The following SLC35F1 variants were observed in gnomAD, a reference collection of about 807,000 sequenced individuals.
SLC35F1 encodes chromosome 6 open reading frame 169.
A neutral mutation model predicts 48.7 loss-of-function variants in SLC35F1; 14 were observed. The ratio of observed to expected loss-of-function variants is 0.29; its 90% CI spans 0.19 to 0.45. The LOEUF is 0.45. Ranked by LOEUF, SLC35F1 falls within the 20% of genes least tolerant of loss-of-function variation. The pLI, the probability that SLC35F1 is intolerant of heterozygous loss-of-function variation, is 1.00. For missense variants in SLC35F1, 404 were observed against 500.0 expected, an observed-to-expected ratio of 0.81 and a Z score of 1.83; for synonymous variants, 190 against 202.2, an observed-to-expected ratio of 0.94 and a Z score of 0.51.
chr6:118,041,526 ATGGGGG>A, intron 1 of SLC35F1, among the ~76,000 whole-genome samples: 2 of 152,152 alleles, frequency 1.3e-5, no homozygotes, highest in South Asian at 4.2e-4. Flanking sequence ...TAGTGGTGGG[ATGGGGG>A]TGGGGAGACA....
chr6:118,287,563 T>G (rs537816838), intron 7 of SLC35F1, among the ~76,000 whole-genome samples: 1 of 152,286 alleles, frequency 6.6e-6, no homozygotes, highest in African/African-American at 2.4e-5. Flanking sequence ...TGCAGATTTT[T>G]GGGCCACACC....
intron 1 of SLC35F1, among the ~76,000 whole-genome samples, chr6:118,108,060 A>C (rs749320831): frequency 2.0e-5 from 3 of 152,110 alleles, no homozygotes; most frequent in African/African-American, 4.8e-5. Flanking sequence ...GAACAGTGTC[A>C]AATTGGGGCA....
rs761122765 is a variant in SLC35F1 at position 118,119,504 on chromosome 6, C to G, written c.174-34941C>G. 1.9e-4 allele frequency among the ~76,000 whole-genome samples: 21 copies of G among 112,906 alleles called. 1 individual carries two copies. The highest frequency in any genetic ancestry group is 1.5e-3 in the South Asian group (4 of 2,728). 74.1% of individuals were successfully genotyped at this position (112,906 alleles called of 152,430 possible). On this transcript the variant is annotated intron_variant, in intron 1 of 7. Coordinates refer to ENST00000360388, the MANE Select transcript of SLC35F1 (RefSeq NM_001029858.4). ...GCAGTAATAACCGGCGCCCCCCCTCCACCCCGCTTTTTTTTTTGAGACGGA... is the reference window on the plus strand; with the variant it reads ...GCAGTAATAACCGGCGCCCCCCCTCGACCCCGCTTTTTTTTTTGAGACGGA...
intron 1 of SLC35F1, among the ~76,000 whole-genome samples, chr6:118,111,501 T>G (rs1260975145): frequency 6.6e-6 from 1 of 152,178 alleles, no homozygotes; most frequent in Non-Finnish European, 1.5e-5. Context: ...CCAGTGAAGT[T>G]ATCTCTTGAA....
chr6:117,975,162 T>C (rs1332167489), intron 1 of SLC35F1, among the ~76,000 whole-genome samples: 1 of 152,238 alleles, frequency 6.6e-6, no homozygotes, highest in Non-Finnish European at 1.5e-5. Context: ...CTTCCTTCCA[T>C]TGATGTTTAG....
chr6:118,257,228 A>C (rs73530055), intron 3 of SLC35F1, among the ~76,000 whole-genome samples: 2,083 of 152,164 alleles, frequency 0.014, 35 homozygotes, highest in African/African-American at 0.036. Flanking sequence ...CCCAAAGAGG[A>C]AATAGCTAAA....
intron 2 of SLC35F1, among the ~76,000 whole-genome samples, chr6:118,191,703 T>C (rs951133272): frequency 3.3e-5 from 5 of 152,200 alleles, no homozygotes; most frequent in Non-Finnish European, 5.9e-5. Flanking sequence ...AAACCTTTCT[T>C]TACCTGGTGA....
intron 3 of SLC35F1, among the ~76,000 whole-genome samples, chr6:118,236,828 A>G (rs1775371582): frequency 6.6e-6 from 1 of 152,226 alleles, no homozygotes; most frequent in Admixed American, 6.5e-5. Context: ...TGGAAGAGAT[A>G]CAAGGCAATA....
chr6:117,994,893 A>G (rs1476149137), intron 1 of SLC35F1, among the ~76,000 whole-genome samples: 1 of 152,238 alleles, frequency 6.6e-6, no homozygotes, highest in Non-Finnish European at 1.5e-5. Flanking sequence ...CAAGCAAACC[A>G]ATTAATACAA....
intron 1 of SLC35F1, among the ~76,000 whole-genome samples, chr6:118,020,654 T>C (rs1777381855): frequency 6.6e-6 from 1 of 152,170 alleles, no homozygotes; most frequent in African/African-American, 2.4e-5. Flanking sequence ...TCAATCCCCT[T>C]ATAGTACAGA....
At chr6:118,164,868 G>A (rs917939635) in intron 2 of SLC35F1, among the ~76,000 whole-genome samples, 6 of 152,160 alleles carry the variant, frequency 3.9e-5, no homozygotes, top group Non-Finnish European at 7.3e-5. Flanking sequence ...AGTCATTTTA[G>A]ATATTTTCTT....
chr6:117,963,930 GCCCC>G (rs1486867874), intron 1 of SLC35F1, among the ~76,000 whole-genome samples: 3 of 152,160 alleles, frequency 2.0e-5, no homozygotes, highest in Non-Finnish European at 4.4e-5. Context: ...TAGGTATTAA[GCCCC>G]ACATGCATTA....
At chr6:118,142,919 G>C (rs1773914160) in intron 1 of SLC35F1, among the ~76,000 whole-genome samples, 2 of 152,120 alleles carry the variant, frequency 1.3e-5, no homozygotes, top group Admixed American at 6.6e-5. Flanking sequence ...AGATATCTTT[G>C]TCTTCTAAAA....
intron 4 of SLC35F1, among the ~76,000 whole-genome samples, chr6:118,269,256 T>C (rs988634146): frequency 6.6e-6 from 1 of 152,244 alleles, no homozygotes; most frequent in Non-Finnish European, 1.5e-5. Flanking sequence ...ACAATGTAGA[T>C]GTGGCTAAAA....
intron 1 of SLC35F1, among the ~76,000 whole-genome samples, chr6:117,928,748 A>G (rs1360507370): frequency 1.3e-5 from 2 of 152,136 alleles, no homozygotes; most frequent in East Asian, 3.9e-4. Context: ...CAGTTGCACA[A>G]GTCAATCAAG....
At chr6:118,108,275 C>G (rs1158027845) in intron 1 of SLC35F1, among the ~76,000 whole-genome samples, 1 of 152,114 alleles carries the variant, frequency 6.6e-6, no homozygotes, top group Non-Finnish European at 1.5e-5. Context: ...TAATTTTCTT[C>G]TATAATTAAG....
chr6:118,213,845 A>C (rs1331582984), intron 2 of SLC35F1, among the ~76,000 whole-genome samples: 2 of 152,250 alleles, frequency 1.3e-5, no homozygotes, highest in Non-Finnish European at 2.9e-5. Flanking sequence ...GGCAATTCAT[A>C]AATTTTCTAG....
intron 1 of SLC35F1, among the ~76,000 whole-genome samples, chr6:118,146,687 A>G (rs1773978386): frequency 1.3e-5 from 2 of 152,058 alleles, no homozygotes. Context: ...TGCTCCCTCT[A>G]AACTTCCTGG....
At chr6:118,309,575 C>T (rs1776350919) in intron 7 of SLC35F1, among the ~76,000 whole-genome samples, 1 of 152,154 alleles carries the variant, frequency 6.6e-6, no homozygotes, top group African/African-American at 2.4e-5. Context: ...AAGAAAGTTG[C>T]CCTTGAAGCA....
Sources: gnomAD v4.1 joint callset for allele counts (sites outside exome capture counted in the v4.1 genomes callset) on GRCh38, gnomAD v4.1.1 for gene constraint, MANE v1.5 for transcripts, NCBI Gene and HGNC (gene_info 2026-07-23, HGNC 2026-07-21) for gene names.